Variants in TRIP12 observed in about 807,000 individuals in gnomAD.
TRIP12 encodes the protein E3 ubiquitin-protein ligase TRIP12.
Under a neutral mutation model 244.2 loss-of-function variants are expected in TRIP12, and 25 were observed. That is an observed-to-expected ratio of 0.10 (90% CI 0.07 to 0.14). The LOEUF (loss-of-function observed/expected upper bound fraction) is 0.14, where lower values mean the gene tolerates loss of function less well. Among genes scored for constraint, TRIP12 ranks in the 10% least tolerant of loss-of-function variants. The probability of loss-of-function intolerance (pLI) is 1.00; values close to 1 mark genes in which losing one functional copy is unlikely to be tolerated. For missense variants in TRIP12, 1,677 were observed against 2,486.4 expected, an observed-to-expected ratio of 0.67 and a Z score of 6.92; for synonymous variants, 905 against 873.1, an observed-to-expected ratio of 1.04 and a Z score of -0.64.
intron 23 of TRIP12, 69 bp from the exon 24 acceptor site, chr2:229,797,900 CA>C: frequency 6.9e-7 from 1 of 1,451,810 alleles, no homozygotes; most frequent in Non-Finnish European, 9.4e-7. Context: ...CTGATCAAGG[CA>C]AATAGCTGCT....
At position 229,804,120 on chromosome 2, in the gene TRIP12, C is replaced by T; in HGVS notation, c.2758G>A (p.Val920Met). The T allele has an allele frequency of 6.2e-7, 1 of 1,614,136 alleles. No individual in the cohort carries two copies. Among genetic ancestry groups the T allele is most frequent in the Non-Finnish European group, 8.5e-7 (1 of 1,179,994 alleles). The change falls in exon 19 of 42, where the codon GTG becomes ATG. Residue 920 changes from valine to methionine, a missense_variant. Physicochemically the swap from Val to Met is conservative, Grantham distance 21. Coordinates refer to ENST00000675903, the MANE Select transcript of TRIP12 (RefSeq NM_001348323.3). ...IKTLFGVLYE[V>M]YSSSAGPAVR... is the part of the protein sequence containing the mutation. ...GCAGGTCCTGCTGAGGAACTATACA[C>T]TTCATAAAGAACACCAAATAATGTC...
In TRIP12 at chr2:229,831,891, T is replaced by TG. The variant is rs1291469772; in HGVS notation, c.1271-1053_1271-1052insC. Among the ~76,000 whole-genome samples, 230 of 149,912 alleles carry TG rather than the reference T, an allele frequency of 1.5e-3. 2 individuals are homozygous for TG. Among genetic ancestry groups the TG allele is most frequent in the African/African-American group, 5.4e-3 (223 of 41,052 alleles). On this transcript the variant is annotated intron_variant, in intron 6 of 41. Transcript: ENST00000675903. ...TTTTTTTTGTTTGTTTTTTGGGTTT[T>TG]TTTTTTTTTTTAACACAGATGATTG...
chr2:229,860,144 G>A (rs1182860881), intron 3 of TRIP12, among the ~76,000 whole-genome samples: 1 of 151,992 alleles, frequency 6.6e-6, no homozygotes, highest in Non-Finnish European at 1.5e-5. Context: ...AATAAAAAAT[G>A]GCCATAATGG....
intron 1 of TRIP12, among the ~76,000 whole-genome samples, chr2:229,912,609 G>C (rs2074517535): frequency 6.6e-6 from 1 of 152,062 alleles, no homozygotes; most frequent in African/African-American, 2.4e-5. Context: ...TCTCTTCATA[G>C]TCTTCCTAAG....
At chr2:229,771,304 A>T (rs938423152) in intron 39 of TRIP12, among the ~76,000 whole-genome samples, 1 of 152,214 alleles carries the variant, frequency 6.6e-6, no homozygotes, top group Non-Finnish European at 1.5e-5. Context: ...GCTTACTGTC[A>T]CGCGTGGAAC....
At chr2:229,772,178 C>T (rs1230473894) in intron 38 of TRIP12, among the ~76,000 whole-genome samples, 1 of 152,118 alleles carries the variant, frequency 6.6e-6, no homozygotes, top group East Asian at 1.9e-4. Flanking sequence ...TCTTATTGGT[C>T]CAACATTATC....
In TRIP12 at chr2:229,919,950, T is replaced by C. The variant is rs774874226; in HGVS notation, c.-50+1930A>G. On this transcript the variant is annotated intron_variant, in intron 1 of 41. Transcript: ENST00000675903. ...AGAAAGAATTAGAAATTCTGTATAC[T>C]TTAAAACTTACACTTAATATTGATC... 5.9e-5 allele frequency among the ~76,000 whole-genome samples: 9 copies of C among 152,362 alleles called. No homozygotes were observed. In the South Asian group the frequency reaches 1.2e-3, roughly 21 times the overall value.
At chr2:229,909,723 T>TA (rs2073889568) in intron 1 of TRIP12, among the ~76,000 whole-genome samples, 1 of 150,806 alleles carries the variant, frequency 6.6e-6, no homozygotes, top group Non-Finnish European at 1.5e-5. Flanking sequence ...TATGGTGGTG[T>TA]GAGCCTGTAG....
intron 1 of TRIP12, among the ~76,000 whole-genome samples, chr2:229,899,889 A>G (rs976441275): frequency 3.3e-5 from 5 of 152,210 alleles, no homozygotes; most frequent in African/African-American, 7.2e-5. Context: ...TGAAATGACA[A>G]AACAACCCAA....
In TRIP12 at chr2:229,840,809, A is replaced by T. The variant is rs774197287; in HGVS notation, c.1133+13T>A. Reference sequence around the variant, plus strand: ...AAAAATGAACTCACTATAAAAAAAAAAAAACAAATTACCTGGTACTAGCAC... The same window carrying T: ...AAAAATGAACTCACTATAAAAAAAATAAAACAAATTACCTGGTACTAGCAC... On this transcript the variant is annotated intron_variant, in intron 5 of 41. Coordinates refer to ENST00000675903, the MANE Select transcript of TRIP12 (RefSeq NM_001348323.3). The T allele has an allele frequency of 1.0e-5, 16 of 1,555,938 alleles. No homozygotes were observed. In the African/African-American group the frequency reaches 2.0e-4, roughly 19 times the overall value.
chr2:229,867,889 T>A (rs1576358466), intron 2 of TRIP12, among the ~76,000 whole-genome samples: 1 of 152,314 alleles, frequency 6.6e-6, no homozygotes, highest in East Asian at 1.9e-4. Context: ...AAACTATTAC[T>A]TTGTAGGCCC....
chr2:229,922,321 C>T (rs1320103221), upstream of TRIP12: 3 of 602,644 alleles, frequency 5.0e-6, no homozygotes, highest in East Asian at 2.8e-5. Flanking sequence ...TCGGGTCACC[C>T]GGGACCTGGA....
chr2:229,829,087 T>A, intron 8 of TRIP12, 106 bp downstream of exon 8: 1 of 983,346 alleles, frequency 1.0e-6, no homozygotes. Context: ...TAAAAATGGG[T>A]TAAAGTTGAT....
intron 8 of TRIP12, among the ~76,000 whole-genome samples, chr2:229,826,414 T>A (rs2051609068): frequency 6.6e-6 from 1 of 152,190 alleles, no homozygotes; most frequent in African/African-American, 2.4e-5. Flanking sequence ...GATATTGAGA[T>A]AATGAAACTT....
chr2:229,898,839 GC>G, intron 1 of TRIP12, among the ~76,000 whole-genome samples: 1 of 149,136 alleles, frequency 6.7e-6, no homozygotes. Flanking sequence ...TTATAAGTGT[GC>G]CCCACCGCAT....
chr2:229,907,810 A>T (rs1310136452), intron 1 of TRIP12, among the ~76,000 whole-genome samples: 10 of 152,204 alleles, frequency 6.6e-5, no homozygotes, highest in Non-Finnish European at 1.5e-4. Flanking sequence ...CTAGAAAAAA[A>T]TAACAAATTA....
chr2:229,872,104 T>TAAAAAAAAAAAAAAAA (rs34496202), intron 2 of TRIP12, among the ~76,000 whole-genome samples: 6 of 105,264 alleles, frequency 5.7e-5, no homozygotes, highest in African/African-American at 1.4e-4. Context: ...ACAGATATTG[T>TAAAAAAAAAAAAAAAA]AAAAAAAAAA....
At chr2:229,813,793 A>G in intron 13 of TRIP12, 77 bp downstream of exon 13, 1 of 1,080,240 alleles carries the variant, frequency 9.3e-7, no homozygotes, top group African/African-American at 1.7e-5. Context: ...TCAAAAAAAT[A>G]AAATAAAATA....
At chr2:229,790,221 A>C (rs2154258285) in intron 30 of TRIP12, among the ~76,000 whole-genome samples, 1 of 152,338 alleles carries the variant, frequency 6.6e-6, no homozygotes, top group East Asian at 1.9e-4. Context: ...ACAGATTGTG[A>C]GGGTTTTCAA....
Sources: allele counts gnomAD v4.1 joint callset (sites outside exome capture counted in the v4.1 genomes callset), GRCh38; gene constraint gnomAD v4.1.1; transcripts MANE v1.5; gene names NCBI Gene and HGNC (gene_info 2026-07-23, HGNC 2026-07-21).